Variants in MRPL37 observed in about 807,000 individuals in gnomAD.
The protein encoded by MRPL37 is large ribosomal subunit protein mL37.
In MRPL37, 34 loss-of-function variants were observed where a neutral mutation model predicts 44.1. The observed-to-expected ratio is 0.77, with a 90% CI of 0.59 to 1.03. The LOEUF (loss-of-function observed/expected upper bound fraction) is 1.03. Ranked by LOEUF, MRPL37 falls within the 50% of genes least tolerant of loss-of-function variation. MRPL37 has a pLI of 0.00. For synonymous variants in MRPL37, 212 were observed against 219.5 expected (o/e 0.97, Z 0.30); for missense variants, 532 against 543.7 (o/e 0.98, Z 0.21).
chr1:54,225,355 G>A (rs1644270164), downstream of MRPL37: 3 of 1,233,980 alleles, frequency 2.4e-6, no homozygotes, highest in African/African-American at 1.6e-5. Context: ...CAAAAACTGT[G>A]CCCAAGAAGT....
chr1:54,220,540 G>A (rs984336353), downstream of MRPL37: 3 of 417,600 alleles, frequency 7.2e-6, no homozygotes, highest in African/African-American at 6.2e-5. Context: ...GAGGAAACAG[G>A]CTTAGAGACC....
In MRPL37 at chr1:54,200,221, G is replaced by C; in HGVS notation, c.-23G>C. On this transcript the variant is annotated 5_prime_UTR_variant, in exon 1 of 7. Transcript: ENST00000360840. ...GGCAACATGGCGGGGTCCAGGTGGA[G>C]GTCTTGAGGCTATCAGATCGGTATG... The C allele has an allele frequency of 1.3e-6, 2 of 1,528,510 alleles. No homozygotes were observed. Among genetic ancestry groups the C allele is most frequent in the Non-Finnish European group, 1.7e-6 (2 of 1,144,650 alleles). 94.7% of individuals were successfully genotyped at this position (1,528,510 alleles called of 1,614,324 possible).
intron 6 of MRPL37, among the ~76,000 whole-genome samples, chr1:54,216,932 T>C (rs929998099): frequency 1.3e-5 from 2 of 152,130 alleles, no homozygotes; most frequent in African/African-American, 4.8e-5. Context: ...GATGCATTCG[T>C]TTCATCCCAC....
intron 3 of MRPL37, among the ~76,000 whole-genome samples, chr1:54,205,720 C>T (rs1644116971): frequency 6.6e-6 from 1 of 152,126 alleles, no homozygotes; most frequent in South Asian, 2.1e-4. Flanking sequence ...CACATGTAGC[C>T]TCCGCCCTCA....
At chr1:54,212,475 C>T (rs1290245833) in intron 4 of MRPL37, 26 bp from the exon 5 acceptor site, 1 of 1,610,838 alleles carries the variant, frequency 6.2e-7, no homozygotes, top group Non-Finnish European at 8.5e-7. Context: ...CCTTTCCACC[C>T]CTCCACATAA....
intron 1 of MRPL37, among the ~76,000 whole-genome samples, chr1:54,204,550 G>C (rs1164357316): frequency 6.6e-6 from 1 of 152,194 alleles, no homozygotes; most frequent in Non-Finnish European, 1.5e-5. Flanking sequence ...AAGGCAGCAT[G>C]GGCTTATGCC....
chr1:54,216,306 T>A lies in MRPL37; in HGVS notation c.1156T>A (p.Phe386Ile), dbSNP rs753438955. The A allele has an allele frequency of 6.2e-7, 1 of 1,614,066 alleles. No individual in the cohort carries two copies. ...CTCAGACCAGCTCCTCTATCAGCAT[T>A]TTTGGTGTCTCCCAGTGATCAAAAA... ...VDSDQLLYQH[F>I]WCLPVIKKRV... Residue 386 changes from phenylalanine to isoleucine, a missense_variant, in exon 6 of 7, where the codon TTT (phenylalanine) becomes ATT (isoleucine). Transcript: ENST00000360840.
Position 54,210,104 on chromosome 1 carries a change from A to C in MRPL37, c.805A>C (p.Asn269His). ...ISPIIDLHEC[N>H]IYDVKNDTGF... The stretch of plus-strand genomic sequence containing the variant: ...ACCCATCATCGATCTTCATGAATGC[A>C]ATATTTATGATGTGAAAAATGACAC... Residue 269 changes from asparagine to histidine, a missense_variant, in exon 4 of 7, where the codon AAT (asparagine) becomes CAT (histidine). Coordinates refer to ENST00000360840, the MANE Select transcript of MRPL37 (RefSeq NM_016491.4). 6.2e-7 allele frequency: 1 copy of C among 1,614,132 alleles called. No individual in the cohort carries two copies. Among genetic ancestry groups the C allele is most frequent in the East Asian group, 2.2e-5 (1 of 44,878 alleles).
rs367925819 is a variant in MRPL37, at chr1:54,216,364, G to A, written c.1194+20G>A. 6.8e-6 allele frequency: 11 copies of A among 1,611,920 alleles called. No homozygotes were observed. Among genetic ancestry groups the A allele is most frequent in the Non-Finnish European group, 9.3e-6 (11 of 1,179,394 alleles). ...GTTGTGGTAAGTTGAGCCATCTCCT[G>A]CCTGACCCAGGAGGGCCATGCCTCC... is the stretch of plus-strand genomic sequence containing the variant. On this transcript the variant is annotated intron_variant, in intron 6 of 6. Transcript: ENST00000360840.
At chr1:54,214,525 A>T (rs1352653823) in intron 5 of MRPL37, among the ~76,000 whole-genome samples, 1 of 152,236 alleles carries the variant, frequency 6.6e-6, no homozygotes, top group Admixed American at 6.5e-5. Flanking sequence ...AGCTTGGAAC[A>T]TGATCTCTCC....
Position 54,209,855 on chromosome 1 carries a change from C to T in MRPL37, c.647-91C>T, listed in dbSNP as rs1644151359. On this transcript the variant is annotated intron_variant, in intron 3 of 6. Transcript: ENST00000360840. The stretch of plus-strand genomic sequence containing the variant: ...CCAATGATCCACCTGCCTTGGCCTC[C>T]CAAAGTGCTGGGATTATAGGCATGA... The T allele has an allele frequency of 3.6e-5, 50 of 1,386,072 alleles. No individual in the cohort carries two copies. In the South Asian group the frequency reaches 6.3e-4, roughly 17 times the overall value. 85.9% of individuals were successfully genotyped at this position (1,386,072 alleles called of 1,614,324 possible). A position where few individuals can be genotyped will look rare whatever the true frequency, so the allele number is the denominator to read the frequency against.
At chr1:54,202,317 A>G (rs1290362821) in intron 1 of MRPL37, among the ~76,000 whole-genome samples, 1 of 152,104 alleles carries the variant, frequency 6.6e-6, no homozygotes, top group East Asian at 1.9e-4. Flanking sequence ...TTACATTTCT[A>G]AACATTTATA....
At chr1:54,220,251 C>T (rs1184961684), downstream of MRPL37, among the ~76,000 whole-genome samples, 1 of 152,090 alleles carries the variant, frequency 6.6e-6, no homozygotes, top group Non-Finnish European at 1.5e-5. Context: ...AACTTGAGCC[C>T]TGAGCGAGTG....
chr1:54,216,487 C>A, intron 6 of MRPL37, 143 bp downstream of exon 6: 1 of 948,494 alleles, frequency 1.1e-6, no homozygotes, highest in Non-Finnish European at 1.6e-6. Flanking sequence ...GCCTGGAGGA[C>A]TCCTTCAGTC....
At chr1:54,206,739 T>G (rs1340182550) in intron 3 of MRPL37, among the ~76,000 whole-genome samples, 3 of 151,890 alleles carry the variant, frequency 2.0e-5, no homozygotes, top group Non-Finnish European at 4.4e-5. Flanking sequence ...TTCTTTTCTT[T>G]TCTTTTTTTT....
At chr1:54,204,313 C>T (rs992634815) in intron 1 of MRPL37, among the ~76,000 whole-genome samples, 2 of 151,562 alleles carry the variant, frequency 1.3e-5, no homozygotes, top group East Asian at 3.9e-4. Context: ...ACCTGGGAAG[C>T]GGAGGTTGTG....
Position 54,200,361 on chromosome 1 carries a change from A to G in MRPL37, c.118A>G (p.Lys40Glu). 6 of 1,614,070 alleles carry G rather than the reference A, an allele frequency of 3.7e-6. No individual in the cohort carries two copies. Among genetic ancestry groups the G allele is most frequent in the Non-Finnish European group, 5.1e-6 (6 of 1,179,990 alleles). The change falls in exon 1 of 7, where the codon AAG becomes GAG. Residue 40 changes from lysine to glutamate, a missense_variant. Transcript: ENST00000360840. ...AYEWGVRSTRKSEPPPLDRVY... is the reference protein window; with the variant it reads ...AYEWGVRSTRESEPPPLDRVY... ...TGAGTGGGGCGTGCGCTCCACGCGGAAGTCGGAGCCTCCTCCCCTGGATAG... is the reference window on the plus strand; with the variant it reads ...TGAGTGGGGCGTGCGCTCCACGCGGGAGTCGGAGCCTCCTCCCCTGGATAG...
intron 3 of MRPL37, among the ~76,000 whole-genome samples, chr1:54,209,670 A>G (rs998039379): frequency 1.3e-5 from 2 of 152,026 alleles, no homozygotes; most frequent in African/African-American, 2.4e-5. Flanking sequence ...CGCGTTAGCC[A>G]GGATGGTCTT....
At chr1:54,220,962 G>C, downstream of MRPL37, 2 of 378,028 alleles carry the variant, frequency 5.3e-6, no homozygotes, top group South Asian at 4.1e-5. Context: ...AAGCTTCAGT[G>C]GCAAGGGAAT....
Sources: gnomAD v4.1 joint callset for allele counts (sites outside exome capture counted in the v4.1 genomes callset) on GRCh38, gnomAD v4.1.1 for gene constraint, MANE v1.5 for transcripts, NCBI Gene and HGNC (gene_info 2026-07-23, HGNC 2026-07-21) for gene names.